Variants in MEF2A observed in about 807,000 individuals in gnomAD.
The protein encoded by MEF2A is myocyte-specific enhancer factor 2A.
A neutral mutation model predicts 55.8 loss-of-function variants in MEF2A; 28 were observed. The ratio of observed to expected loss-of-function variants is 0.50; its 90% CI spans 0.37 to 0.69. The LOEUF (loss-of-function observed/expected upper bound fraction) is 0.69. Among genes scored for constraint, MEF2A ranks in the 30% least tolerant of loss-of-function variants. The probability of loss-of-function intolerance (pLI) is 0.00; values close to 1 mark genes in which losing one functional copy is unlikely to be tolerated. For missense variants in MEF2A, 528 were observed against 626.2 expected (o/e 0.84, Z 1.67); for synonymous variants, 239 against 227.1 (o/e 1.05, Z -0.47).
At chr15:99,676,606 C>G (rs1369404990) in intron 7 of MEF2A, among the ~76,000 whole-genome samples, 6 of 150,206 alleles carry the variant, frequency 4.0e-5, no homozygotes, top group South Asian at 4.2e-4. Context: ...GAGTCTCGCT[C>G]TTGTCGCCCA....
At chr15:99,653,485 A>G (rs940413277) in intron 4 of MEF2A, among the ~76,000 whole-genome samples, 19 of 152,136 alleles carry the variant, frequency 1.2e-4, no homozygotes, top group South Asian at 2.1e-4. Flanking sequence ...TATGAATTAT[A>G]TTTTAGAAAA....
intron 3 of MEF2A, among the ~76,000 whole-genome samples, chr15:99,641,774 C>T (rs1227722360): frequency 6.6e-6 from 1 of 152,182 alleles, no homozygotes; most frequent in African/African-American, 2.4e-5. Flanking sequence ...CTCCAGGCTA[C>T]AAGCCTCCAC....
intron 2 of MEF2A, among the ~76,000 whole-genome samples, chr15:99,605,041 G>A (rs1974547739): frequency 6.6e-6 from 1 of 152,152 alleles, no homozygotes; most frequent in Non-Finnish European, 1.5e-5. Flanking sequence ...CACCTCCCAG[G>A]TTCAAGCTGT....
Position 99,704,298 on chromosome 15 carries a change from G to A in MEF2A, c.882+913G>A, listed in dbSNP as rs2057766946. On this transcript the variant is annotated intron_variant, in intron 9 of 11. Transcript: ENST00000557942. Reference sequence around the variant, plus strand: ...AGGTTATCTGTTCCCCTTAAAATACGAGATTGTTCTTTATTTAGCTTTGTG... The same window carrying A: ...AGGTTATCTGTTCCCCTTAAAATACAAGATTGTTCTTTATTTAGCTTTGTG... Among the ~76,000 whole-genome samples the A allele has an allele frequency of 2.6e-5, 4 of 152,102 alleles. No homozygotes were observed. In the South Asian group the frequency reaches 8.3e-4, roughly 32 times the overall value.
chr15:99,707,795 G>C (rs1281110963), intron 10 of MEF2A, among the ~76,000 whole-genome samples: 6 of 152,174 alleles, frequency 3.9e-5, no homozygotes, highest in African/African-American at 1.4e-4. Flanking sequence ...TCTGATTTTA[G>C]CCTTCAGGGT....
intron 2 of MEF2A, among the ~76,000 whole-genome samples, chr15:99,628,848 T>A (rs943653221): frequency 3.9e-5 from 6 of 152,238 alleles, no homozygotes; most frequent in Non-Finnish European, 8.8e-5. Flanking sequence ...ATATCCAAGC[T>A]GTATATAGGG....
chr15:99,713,411 A>T lies in MEF2A; in HGVS notation c.*640A>T, dbSNP rs145205421. On this transcript the variant is annotated 3_prime_UTR_variant, in exon 12 of 12. Coordinates refer to ENST00000557942, the MANE Select transcript of MEF2A (RefSeq NM_001319206.4). ...GGTCAAGAAGTGATCTTTAGCTAAT[A>T]AAGAAAGAGAATAGAAAACACGCAT... 7 of 168,326 alleles carry T rather than the reference A, an allele frequency of 4.2e-5. No individual in the cohort carries two copies. The East Asian group carries it at 1.1e-3, about 26-fold the overall frequency. 10.4% of individuals were successfully genotyped at this position (168,326 alleles called of 1,614,324 possible).
At chr15:99,570,998 A>G (rs1165423967) in intron 1 of MEF2A, among the ~76,000 whole-genome samples, 1 of 152,068 alleles carries the variant, frequency 6.6e-6, no homozygotes, top group Non-Finnish European at 1.5e-5. Context: ...CAACCTGGCC[A>G]ACGTGGTGAA....
At chr15:99,578,255 G>A (rs1964917866) in intron 1 of MEF2A, among the ~76,000 whole-genome samples, 2 of 152,010 alleles carry the variant, frequency 1.3e-5, no homozygotes, top group Admixed American at 6.5e-5. Flanking sequence ...CTTCTCCCTC[G>A]TTTATTTATT....
At chr15:99,608,001 G>C (rs939515412) in intron 2 of MEF2A, among the ~76,000 whole-genome samples, 1 of 152,102 alleles carries the variant, frequency 6.6e-6, no homozygotes, top group Non-Finnish European at 1.5e-5. Context: ...GGTAGTAGAA[G>C]ACATGAATCA....
chr15:99,699,964 G>T (rs984673500), intron 8 of MEF2A, among the ~76,000 whole-genome samples: 4 of 66,806 alleles, frequency 6.0e-5, no homozygotes, highest in Non-Finnish European at 1.5e-4. Flanking sequence ...GTGTGTGTGT[G>T]TGTGTGTGTG....
chr15:99,692,119 C>T (rs1192473546), intron 8 of MEF2A, among the ~76,000 whole-genome samples: 1 of 152,190 alleles, frequency 6.6e-6, no homozygotes, highest in Non-Finnish European at 1.5e-5. Flanking sequence ...TGCTGTCAGG[C>T]TTAGATAATA....
At chr15:99,579,895 C>T (rs181785619) in intron 1 of MEF2A, among the ~76,000 whole-genome samples, 39 of 151,962 alleles carry the variant, frequency 2.6e-4, no homozygotes, top group African/African-American at 5.1e-4. Flanking sequence ...TTCCTTTTAC[C>T]TTACAGTTAC....
Position 99,713,089 on chromosome 15 carries a change from A to T in MEF2A, c.*318A>T, listed in dbSNP as rs1168777266. Reference sequence around the variant, plus strand: ...AAAGATAACCAGTTTTTGCAGAGAAACGTGTACCCATATATAATTCTCCCA... The same window carrying T: ...AAAGATAACCAGTTTTTGCAGAGAATCGTGTACCCATATATAATTCTCCCA... On this transcript the variant is annotated 3_prime_UTR_variant, in exon 12 of 12. Coordinates refer to ENST00000557942, the MANE Select transcript of MEF2A (RefSeq NM_001319206.4). 1 of 464,550 alleles carries T rather than the reference A, an allele frequency of 2.2e-6. No individual in the cohort carries two copies. The highest frequency in any genetic ancestry group is 2.0e-5 in the African/African-American group (1 of 51,144). The allele number at this position is 464,550 out of a possible 1,614,324, so 28.8% of individuals were successfully genotyped here.
At chr15:99,573,446 C>G (rs1243417364) in intron 1 of MEF2A, among the ~76,000 whole-genome samples, 2 of 152,148 alleles carry the variant, frequency 1.3e-5, no homozygotes, top group East Asian at 3.8e-4. Context: ...ATTCTAAGGG[C>G]AGGAATTTGA....
chr15:99,624,084 G>C (rs568696531), intron 2 of MEF2A, among the ~76,000 whole-genome samples: 2 of 152,174 alleles, frequency 1.3e-5, no homozygotes, highest in African/African-American at 4.8e-5. Flanking sequence ...GGGATTACAG[G>C]CATGAGCATG....
In MEF2A at chr15:99,715,638, A is replaced by C. The variant is rs1207823569; in HGVS notation, c.*2867A>C. ...GACGACGCTAATGGTGTTGCTTTAGAACCGTCTTTTCTTACCCTTTTAGAC... is the reference window on the plus strand; with the variant it reads ...GACGACGCTAATGGTGTTGCTTTAGCACCGTCTTTTCTTACCCTTTTAGAC... On this transcript the variant is annotated 3_prime_UTR_variant, in exon 12 of 12. Transcript: ENST00000557942. 1 of 152,226 alleles carries C rather than the reference A, an allele frequency of 6.6e-6. No homozygotes were observed. Among genetic ancestry groups the C allele is most frequent in the East Asian group, 1.9e-4 (1 of 5,196 alleles). 9.4% of individuals were successfully genotyped at this position (152,226 alleles called of 1,614,324 possible). A position where few individuals can be genotyped will look rare whatever the true frequency, so the allele number is the denominator to read the frequency against.
intron 9 of MEF2A, 170 bp from the exon 10 acceptor site, chr15:99,706,559 A>T: frequency 1.5e-6 from 1 of 663,514 alleles, no homozygotes; most frequent in Non-Finnish European, 2.5e-6. Context: ...GGACCCTTCA[A>T]ATTAAATATT....
At chr15:99,590,672 G>A (rs563348399) in intron 1 of MEF2A, among the ~76,000 whole-genome samples, 146 of 151,240 alleles carry the variant, frequency 9.7e-4, no homozygotes, top group African/African-American at 3.1e-3. Flanking sequence ...GGTAGTTGCC[G>A]TAGGGTTTTA....
Sources: gnomAD v4.1 joint callset for allele counts (sites outside exome capture counted in the v4.1 genomes callset) on GRCh38, gnomAD v4.1.1 for gene constraint, MANE v1.5 for transcripts, NCBI Gene and HGNC (gene_info 2026-07-23, HGNC 2026-07-21) for gene names.